Variants in EPHB1 observed in about 807,000 individuals in gnomAD.
EPHB1 encodes the protein EPH receptor B1.
A neutral mutation model predicts 94.4 loss-of-function variants in EPHB1; 30 were observed. The observed-to-expected ratio is 0.32, with a 90% CI of 0.24 to 0.43. The LOEUF is 0.43. Ranked by LOEUF, EPHB1 falls within the 20% of genes least tolerant of loss-of-function variation. The pLI, the probability that EPHB1 is intolerant of heterozygous loss-of-function variation, is 1.00. For missense variants in EPHB1, 1,055 were observed against 1,308.3 expected, an observed-to-expected ratio of 0.81 and a Z score of 2.99; for synonymous variants, 522 against 489.1, an observed-to-expected ratio of 1.07 and a Z score of -0.89.
chr3:135,098,693 A>G (rs1312833893), intron 3 of EPHB1, among the ~76,000 whole-genome samples: 1 of 152,144 alleles, frequency 6.6e-6, no homozygotes, highest in South Asian at 2.1e-4. Context: ...ATACACATCA[A>G]ATAACTCTCC....
intron 10 of EPHB1, among the ~76,000 whole-genome samples, chr3:135,192,006 C>T (rs1031629015): frequency 3.3e-5 from 5 of 152,196 alleles, no homozygotes; most frequent in Non-Finnish European, 5.9e-5. Context: ...GGGCTGTCTC[C>T]GCCCAATCCT....
chr3:134,898,667 G>A (rs2038136466), intron 1 of EPHB1, among the ~76,000 whole-genome samples: 2 of 152,176 alleles, frequency 1.3e-5, no homozygotes, highest in African/African-American at 4.8e-5. Flanking sequence ...TCTGTACAGG[G>A]TCTGTTTGCT....
chr3:135,157,484 C>G (rs1941387996), intron 6 of EPHB1, among the ~76,000 whole-genome samples: 1 of 152,204 alleles, frequency 6.6e-6, no homozygotes, highest in Non-Finnish European at 1.5e-5. Flanking sequence ...GGCTACCTCC[C>G]TGCTTCTTAG....
intron 3 of EPHB1, among the ~76,000 whole-genome samples, chr3:135,077,508 G>C (rs1315313713): frequency 2.0e-5 from 3 of 152,176 alleles, no homozygotes. Flanking sequence ...CTGCTTTCTA[G>C]TGTACATCAC....
chr3:135,105,011 C>T (rs1403221918), intron 3 of EPHB1, among the ~76,000 whole-genome samples: 1 of 152,176 alleles, frequency 6.6e-6, no homozygotes, highest in East Asian at 1.9e-4. Context: ...CTTTTGTAAC[C>T]TCTCCGTGTC....
chr3:135,081,294 C>G (rs973821137), intron 3 of EPHB1, among the ~76,000 whole-genome samples: 20 of 152,094 alleles, frequency 1.3e-4, no homozygotes, highest in Non-Finnish European at 2.9e-4. Context: ...AGAAAAAAAA[C>G]CTGTGTATTA....
At chr3:135,144,432 A>G (rs1266305086) in intron 5 of EPHB1, among the ~76,000 whole-genome samples, 1 of 152,154 alleles carries the variant, frequency 6.6e-6, no homozygotes, top group Non-Finnish European at 1.5e-5. Flanking sequence ...TGATTCACTG[A>G]GTCTAGGATG....
chr3:135,196,180 T>A (rs1942609934), intron 11 of EPHB1, among the ~76,000 whole-genome samples: 1 of 151,634 alleles, frequency 6.6e-6, no homozygotes, highest in Non-Finnish European at 1.5e-5. Flanking sequence ...TTTGATGGGG[T>A]TGTTTGTTTT....
chr3:135,162,138 G>A lies in EPHB1; in HGVS notation c.1543G>A (p.Gly515Ser), dbSNP rs771555643. 4.3e-6 allele frequency: 7 copies of A among 1,611,032 alleles called. No individual in the cohort carries two copies. Among genetic ancestry groups the A allele is most frequent in the East Asian group, 2.2e-5 (1 of 44,592 alleles). ...QVRARTVAGY[G>S]KFSGKMCFQT... ...GCGTGCCCGCACTGTTGCTGGCTAC[G>A]GCAAGTTCAGTGGCAAGATGTGCTT... The change falls in exon 7 of 16, where the codon GGC becomes AGC. Residue 515 changes from glycine (G) to serine (S), a missense_variant. Coordinates refer to ENST00000398015, the MANE Select transcript of EPHB1 (RefSeq NM_004441.5).
intron 12 of EPHB1, among the ~76,000 whole-genome samples, chr3:135,226,453 G>A (rs538777486): frequency 1.2e-4 from 19 of 152,254 alleles, no homozygotes; most frequent in Non-Finnish European, 2.5e-4. Context: ...ATATCAAGGA[G>A]AATGGTCAGT....
At chr3:135,216,268 CT>C (rs1197035270) in intron 12 of EPHB1, among the ~76,000 whole-genome samples, 1 of 152,204 alleles carries the variant, frequency 6.6e-6, no homozygotes, top group Admixed American at 6.5e-5. Flanking sequence ...CATTCTGATG[CT>C]GCTACATCTG....
intron 5 of EPHB1, among the ~76,000 whole-genome samples, chr3:135,135,512 A>C (rs1399917290): frequency 6.6e-6 from 1 of 152,208 alleles, no homozygotes; most frequent in African/African-American, 2.4e-5. Context: ...AGGCATCATA[A>C]AAACTCTAAT....
chr3:135,027,919 T>G (rs1279074488), intron 3 of EPHB1, among the ~76,000 whole-genome samples: 1 of 140,662 alleles, frequency 7.1e-6, no homozygotes, highest in African/African-American at 2.5e-5. Flanking sequence ...ATTGGTCTAT[T>G]CAGAGATTCA....
At chr3:134,800,008 T>G (rs1385638941) in intron 1 of EPHB1, among the ~76,000 whole-genome samples, 1 of 152,118 alleles carries the variant, frequency 6.6e-6, no homozygotes, top group Non-Finnish European at 1.5e-5. Context: ...ATAAATTTTG[T>G]GAACTCGGGG....
At chr3:135,130,279 A>G (rs1940372813) in intron 4 of EPHB1, among the ~76,000 whole-genome samples, 1 of 152,216 alleles carries the variant, frequency 6.6e-6, no homozygotes, top group African/African-American at 2.4e-5. Context: ...GTGTTAGGTG[A>G]TACAGAAGAT....
Position 135,030,458 on chromosome 3 carries a change from T to G in EPHB1, c.806-75990T>G, listed in dbSNP as rs575190759. On this transcript the variant is annotated intron_variant, in intron 3 of 15. Coordinates refer to ENST00000398015, the MANE Select transcript of EPHB1 (RefSeq NM_004441.5). ...CCTTCTAACAGACAGGACCCTCAGCTGCAGGTCTGTTGGAATACCCTGCAG... is the reference window on the plus strand; with the variant it reads ...CCTTCTAACAGACAGGACCCTCAGCGGCAGGTCTGTTGGAATACCCTGCAG... Among the ~76,000 whole-genome samples, 7 of 152,360 alleles carry G rather than the reference T, an allele frequency of 4.6e-5. No homozygotes were observed. In the East Asian group the frequency reaches 1.3e-3, roughly 29 times the overall value.
At chr3:134,893,290 T>C (rs1224466699) in intron 1 of EPHB1, among the ~76,000 whole-genome samples, 1 of 152,216 alleles carries the variant, frequency 6.6e-6, no homozygotes, top group Non-Finnish European at 1.5e-5. Flanking sequence ...CTATGTTAAC[T>C]GAAATGAGGA....
At chr3:135,193,694 A>G (rs1240743473) in intron 11 of EPHB1, among the ~76,000 whole-genome samples, 1 of 152,178 alleles carries the variant, frequency 6.6e-6, no homozygotes, top group Non-Finnish European at 1.5e-5. Flanking sequence ...CAACCAAACA[A>G]TAGCTGTGGC....
intron 12 of EPHB1, among the ~76,000 whole-genome samples, chr3:135,229,899 G>A (rs1290461563): frequency 6.6e-6 from 1 of 152,206 alleles, no homozygotes; most frequent in Non-Finnish European, 1.5e-5. Context: ...GGGTGACCAA[G>A]GGTTGTTGGG....
Sources: allele counts gnomAD v4.1 joint callset (sites outside exome capture counted in the v4.1 genomes callset), GRCh38; gene constraint gnomAD v4.1.1; transcripts MANE v1.5; gene names NCBI Gene and HGNC (gene_info 2026-07-23, HGNC 2026-07-21).